Variants in EIF2AK4 observed in about 807,000 individuals in gnomAD.
EIF2AK4 encodes the protein eIF-2-alpha kinase GCN2.
Under a neutral mutation model 211.1 loss-of-function variants are expected in EIF2AK4, and 139 were observed. The observed-to-expected ratio is 0.66, with a 90% CI of 0.57 to 0.76. The LOEUF is 0.76. EIF2AK4 is among the 30% of genes least tolerant of loss of function. The pLI is 0.00. For synonymous variants in EIF2AK4, 710 were observed against 751.3 expected, an observed-to-expected ratio of 0.94 and a Z score of 0.90; for missense variants, 1,664 against 2,043.8, an observed-to-expected ratio of 0.81 and a Z score of 3.58.
At chr15:39,966,349 G>C (rs496642) in intron 8 of EIF2AK4, among the ~76,000 whole-genome samples, 75,886 of 151,284 alleles carry the variant, frequency 0.5, 19,452 homozygotes, top group Non-Finnish European at 0.56. Flanking sequence ...CATACTTGTG[G>C]TCCCAGCTGC....
intron 3 of EIF2AK4, 65 bp from the exon 4 acceptor site, chr15:39,949,051 G>A: frequency 6.3e-7 from 1 of 1,585,396 alleles, no homozygotes; most frequent in Non-Finnish European, 8.6e-7. Flanking sequence ...CTGTTCTGTA[G>A]CCTCTCCTGT....
intron 32 of EIF2AK4, 102 bp downstream of exon 32, chr15:40,022,707 GT>G: frequency 1.0e-6 from 1 of 964,424 alleles, no homozygotes; most frequent in East Asian, 2.6e-5. Flanking sequence ...CTGGAAATCC[GT>G]TCCCTCTACT....
rs1049230115 is a variant in EIF2AK4 at position 40,001,070 on chromosome 15, C to T, written c.3005C>T (p.Pro1002Leu). 1.3e-5 allele frequency: 21 copies of T among 1,614,050 alleles called. No homozygotes were observed. The highest frequency in any genetic ancestry group is 1.8e-5 in the Non-Finnish European group (21 of 1,180,022). Reference sequence around the variant, plus strand: ...GAACTGCTCAAGAGTGAGCTGCTGCCCCCACCCCAGATGGAGGAGTCAGAG... The same window carrying T: ...GAACTGCTCAAGAGTGAGCTGCTGCTCCCACCCCAGATGGAGGAGTCAGAG... ...ATELLKSELLPPPQMEESELH... is the reference protein window; with the variant it reads ...ATELLKSELLLPPQMEESELH... The change falls in exon 21 of 39, where the codon CCC becomes CTC. Residue 1002 changes from proline to leucine, a missense_variant. Physicochemically the swap from Pro to Leu is moderately conservative, Grantham distance 98. Around this residue, in one of 7 missense-constraint regions of EIF2AK4, gnomAD observed 622 missense variants for 796.8 expected, o/e 0.78. Coordinates refer to ENST00000263791, the MANE Select transcript of EIF2AK4 (RefSeq NM_001013703.4).
intron 4 of EIF2AK4, 119 bp from the exon 5 acceptor site, chr15:39,953,785 T>A: frequency 1.0e-6 from 1 of 959,998 alleles, no homozygotes; most frequent in Non-Finnish European, 1.6e-6. Flanking sequence ...TGTTTTCAGA[T>A]CTCTTAGGAA....
At position 39,976,595 on chromosome 15, in the gene EIF2AK4, C is replaced by T. The variant is rs760005119; in HGVS notation, c.2000C>T (p.Thr667Met). The change falls in exon 12 of 39, where the codon ACG becomes ATG. Residue 667 changes from threonine (T) to methionine (M), a missense_variant. By Grantham distance (81) the Thr-to-Met change is moderately conservative. Transcript: ENST00000263791. Reference protein sequence around the residue: ...ERHERPAGPGTPPPDSGPLAK... With the variant: ...ERHERPAGPGMPPPDSGPLAK... Reference sequence around the variant, plus strand: ...CACGAGCGGCCGGCGGGACCGGGGACGCCGCCCCCGGACTCCGGGCCCCTG... The same window carrying T: ...CACGAGCGGCCGGCGGGACCGGGGATGCCGCCCCCGGACTCCGGGCCCCTG... 8.7e-6 allele frequency: 14 copies of T among 1,609,520 alleles called. No homozygotes were observed. Among genetic ancestry groups the T allele is most frequent in the East Asian group, 2.2e-5 (1 of 44,774 alleles).
intron 23 of EIF2AK4, among the ~76,000 whole-genome samples, chr15:40,004,727 T>A (rs28893849): frequency 0.24 from 36,782 of 151,628 alleles, 5,669 homozygotes; most frequent in Non-Finnish European, 0.35. Context: ...AATTTAAAAA[T>A]TTTTTTTTGT....
intron 13 of EIF2AK4, among the ~76,000 whole-genome samples, chr15:39,983,324 T>G (rs1487206048): frequency 6.6e-6 from 1 of 152,274 alleles, no homozygotes; most frequent in Non-Finnish European, 1.5e-5. Flanking sequence ...TTTTCATGTG[T>G]TTGTTGGCTG....
intron 32 of EIF2AK4, 55 bp downstream of exon 32, chr15:40,022,660 A>C: frequency 2.0e-6 from 3 of 1,511,856 alleles, no homozygotes; most frequent in Non-Finnish European, 9.2e-7. Flanking sequence ...CCTGTGGAGC[A>C]CCTGCCTTCA....
intron 31 of EIF2AK4, 148 bp downstream of exon 31, chr15:40,021,175 A>G: frequency 1.1e-6 from 1 of 893,698 alleles, no homozygotes; most frequent in Non-Finnish European, 1.6e-6. Context: ...TGCAGTAACC[A>G]ATTACCACAA....
At chr15:39,939,712 C>A in intron 2 of EIF2AK4, 95 bp downstream of exon 2, 1 of 924,370 alleles carries the variant, frequency 1.1e-6, no homozygotes, top group Non-Finnish European at 1.6e-6. Context: ...CTCCTTCCTG[C>A]TCCCATTCCA....
In EIF2AK4 at chr15:39,966,344, T is replaced by C. The variant is rs370207249; in HGVS notation, c.1017+501T>C. ...AATCTGTGGGCATGGTGGCACATAC[T>C]TGTGGTCCCAGCTGCTTGGGAGGCT... On this transcript the variant is annotated intron_variant, in intron 8 of 38. Coordinates refer to ENST00000263791, the MANE Select transcript of EIF2AK4 (RefSeq NM_001013703.4). Among the ~76,000 whole-genome samples, 22 of 151,562 alleles carry C rather than the reference T, an allele frequency of 1.5e-4. No homozygotes were observed. The South Asian group carries it at 3.8e-3, about 26-fold the overall frequency.
At chr15:40,024,156 CTGAAATCTTT>C (rs2035431430) in intron 32 of EIF2AK4, among the ~76,000 whole-genome samples, 1 of 151,884 alleles carries the variant, frequency 6.6e-6, no homozygotes, top group Non-Finnish European at 1.5e-5. Context: ...ATTTCTTGTT[CTGAAATCTTT>C]TGGTTAGTGT....
At chr15:40,033,016 T>C (rs1156675108) in intron 37 of EIF2AK4, among the ~76,000 whole-genome samples, 2 of 152,226 alleles carry the variant, frequency 1.3e-5, no homozygotes, top group African/African-American at 4.8e-5. Flanking sequence ...TTCAGATACT[T>C]ATTTTATTAA....
chr15:39,961,438 G>A (rs1327513144), intron 6 of EIF2AK4, among the ~76,000 whole-genome samples: 1 of 152,202 alleles, frequency 6.6e-6, no homozygotes, highest in Non-Finnish European at 1.5e-5. Flanking sequence ...GCCATGTATG[G>A]CTATTGAGTA....
At chr15:40,030,171 GT>G (rs1203212541) in intron 34 of EIF2AK4, among the ~76,000 whole-genome samples, 187 bp from the exon 35 acceptor site, 1 of 152,178 alleles carries the variant, frequency 6.6e-6, no homozygotes, top group East Asian at 1.9e-4. Context: ...ACTGCTGGGT[GT>G]TGGGGTTCTG....
chr15:39,948,539 G>A, intron 3 of EIF2AK4, among the ~76,000 whole-genome samples: 1 of 152,204 alleles, frequency 6.6e-6, no homozygotes, highest in South Asian at 2.1e-4. Flanking sequence ...ATCTGTGACT[G>A]CTTCTCTAAG....
chr15:39,986,076 A>G (rs1471180120), intron 14 of EIF2AK4, among the ~76,000 whole-genome samples, 188 bp downstream of exon 14: 2 of 152,324 alleles, frequency 1.3e-5, no homozygotes, highest in African/African-American at 2.4e-5. Flanking sequence ...TTCCTGCCAC[A>G]TATCAGGAGC....
intron 35 of EIF2AK4, among the ~76,000 whole-genome samples, 161 bp from the exon 36 acceptor site, chr15:40,032,008 G>A (rs754734563): frequency 6.6e-6 from 1 of 152,216 alleles, no homozygotes; most frequent in Non-Finnish European, 1.5e-5. Context: ...TTACGGGCAT[G>A]AGCCATCGTA....
intron 25 of EIF2AK4, among the ~76,000 whole-genome samples, chr15:40,008,960 T>A (rs1362711790): frequency 6.6e-6 from 1 of 152,206 alleles, no homozygotes; most frequent in Non-Finnish European, 1.5e-5. Context: ...TAACAATAAC[T>A]ATTCCACTGG....
Sources: allele counts gnomAD v4.1 joint callset (sites outside exome capture counted in the v4.1 genomes callset), GRCh38; gene constraint gnomAD v4.1.1; regional missense constraint gnomAD v4.1.1; transcripts MANE v1.5; gene names NCBI Gene and HGNC (gene_info 2026-07-23, HGNC 2026-07-21).